Variants in ANO2 observed in about 807,000 individuals in gnomAD.
ANO2 encodes anoctamin-2.
In ANO2, 101 loss-of-function variants were observed where a neutral mutation model predicts 124.2. The observed-to-expected ratio is 0.81, with a 90% CI of 0.69 to 0.96. The LOEUF is 0.96. ANO2 is among the 40% of genes least tolerant of loss of function. The probability of loss-of-function intolerance (pLI) is 0.00; values close to 1 mark genes in which losing one functional copy is unlikely to be tolerated. For synonymous variants in ANO2, 486 were observed against 482.5 expected (o/e 1.01, Z -0.09); for missense variants, 1,293 against 1,274.5 (o/e 1.01, Z -0.22).
At chr12:5,577,475 C>G (rs1273967631) in intron 22 of ANO2, among the ~76,000 whole-genome samples, 2 of 152,210 alleles carry the variant, frequency 1.3e-5, no homozygotes, top group East Asian at 3.8e-4. Flanking sequence ...CAGGTGGGAC[C>G]CTTCTTCTAT....
chr12:5,830,527 A>C, intron 5 of ANO2, 38 bp from the exon 6 acceptor site: 3 of 1,588,804 alleles, frequency 1.9e-6, no homozygotes, highest in African/African-American at 1.3e-5. Context: ...AATTCATTTC[A>C]TTACCCTTGC....
intron 14 of ANO2, among the ~76,000 whole-genome samples, chr12:5,715,612 C>T (rs528853485): frequency 6.6e-6 from 1 of 152,346 alleles, no homozygotes; most frequent in East Asian, 1.9e-4. Context: ...GGAAAGGCAA[C>T]TGTCAATGGG....
intron 9 of ANO2, among the ~76,000 whole-genome samples, chr12:5,802,727 A>C (rs1953079699): frequency 6.6e-6 from 1 of 152,204 alleles, no homozygotes; most frequent in African/African-American, 2.4e-5. Flanking sequence ...GCTCTTAGTG[A>C]ATCCACTTTC....
At chr12:5,647,226 C>A (rs1946684257) in intron 15 of ANO2, among the ~76,000 whole-genome samples, 1 of 152,204 alleles carries the variant, frequency 6.6e-6, no homozygotes, top group African/African-American at 2.4e-5. Context: ...ATACGAATCA[C>A]AGGGTTTTCC....
intron 14 of ANO2, among the ~76,000 whole-genome samples, chr12:5,711,157 C>CAAA (rs200477878): frequency 3.2e-5 from 3 of 92,816 alleles, no homozygotes; most frequent in African/African-American, 4.4e-5. Flanking sequence ...GACTCTGTCT[C>CAAA]AAAAAAAAAA....
chr12:5,928,293 C>G (rs911403489), intron 1 of ANO2, among the ~76,000 whole-genome samples: 3 of 152,196 alleles, frequency 2.0e-5, no homozygotes, highest in Non-Finnish European at 2.9e-5. Flanking sequence ...CACCTCCATC[C>G]CCAACCTCCC....
chr12:5,574,528 T>G (rs913745267), intron 23 of ANO2, among the ~76,000 whole-genome samples: 1 of 151,792 alleles, frequency 6.6e-6, no homozygotes, highest in Admixed American at 6.5e-5. Flanking sequence ...CACATCCCAG[T>G]CCTCTGACTT....
intron 1 of ANO2, among the ~76,000 whole-genome samples, chr12:5,934,304 T>G (rs567226213): frequency 2.0e-5 from 3 of 152,208 alleles, no homozygotes; most frequent in Admixed American, 6.5e-5. Context: ...AAAAGGAAGA[T>G]AAATGGCCAA....
chr12:5,568,840 C>G (rs926640994), intron 23 of ANO2, among the ~76,000 whole-genome samples: 5 of 152,186 alleles, frequency 3.3e-5, no homozygotes, highest in African/African-American at 9.6e-5. Flanking sequence ...TGCAAGTTAC[C>G]TAACCTTCTG....
chr12:5,601,886 G>C (rs1943958526), intron 19 of ANO2, among the ~76,000 whole-genome samples: 1 of 152,226 alleles, frequency 6.6e-6, no homozygotes, highest in Non-Finnish European at 1.5e-5. Flanking sequence ...GGTATCAACT[G>C]TTCACAGTGG....
intron 10 of ANO2, among the ~76,000 whole-genome samples, chr12:5,757,909 A>AT (rs1281254301): frequency 6.6e-6 from 1 of 152,198 alleles, no homozygotes; most frequent in Non-Finnish European, 1.5e-5. Context: ...AGAGTGTAAT[A>AT]ACTGGAAGCT....
At chr12:5,642,838 C>T (rs1247456697) in intron 15 of ANO2, among the ~76,000 whole-genome samples, 1 of 152,142 alleles carries the variant, frequency 6.6e-6, no homozygotes, top group Non-Finnish European at 1.5e-5. Context: ...TGGCTCTTTC[C>T]TGCTGTCCCT....
At chr12:5,731,590 C>CCT (rs77047097) in intron 14 of ANO2, among the ~76,000 whole-genome samples, 10 of 150,082 alleles carry the variant, frequency 6.7e-5, no homozygotes, top group South Asian at 2.1e-4. Context: ...CATAAACTCT[C>CCT]CTCTCTCTCT....
intron 13 of ANO2, among the ~76,000 whole-genome samples, chr12:5,738,900 CAGACATCAA>C (rs911618220): frequency 7.2e-5 from 11 of 152,214 alleles, no homozygotes; most frequent in African/African-American, 2.4e-4. Flanking sequence ...TCTTCATTCA[CAGACATCAA>C]AGACAACCAG....
Position 5,922,657 on chromosome 12 carries a change from C to G in ANO2, c.170G>C (p.Gly57Ala), listed in dbSNP as rs527242069. Residue 57 changes from glycine to alanine, a missense_variant, in exon 2 of 25, where the codon GGC becomes GCC. Coordinates refer to ENST00000682330, the MANE Select transcript of ANO2 (RefSeq NM_001364791.2). ...GGTGCTCTCTCCACCGCAGGGCTGG[C>G]CAGGATCTCTGTTGGAACCGCCCTG... ...GLQGGSNRDPGQPCGGESTRS... is the reference protein window; with the variant it reads ...GLQGGSNRDPAQPCGGESTRS... The G allele has an allele frequency of 1.3e-4, 202 of 1,499,846 alleles. No homozygotes were observed. In the Middle Eastern group the frequency reaches 2.0e-3, roughly 15 times the overall value. The allele number at this position is 1,499,846 out of a possible 1,614,324, so 92.9% of individuals were successfully genotyped here.
intron 13 of ANO2, 197 bp from the exon 14 acceptor site, chr12:5,732,827 AG>A: frequency 6.2e-7 from 1 of 1,613,332 alleles, no homozygotes; most frequent in Non-Finnish European, 8.5e-7. Flanking sequence ...GGAAGAGACA[AG>A]GGACACACAA....
chr12:5,858,132 T>G (rs1160624432), intron 3 of ANO2, among the ~76,000 whole-genome samples: 1 of 152,200 alleles, frequency 6.6e-6, no homozygotes, highest in East Asian at 1.9e-4. Context: ...TGAATAGGAT[T>G]AATATAATTT....
intron 10 of ANO2, among the ~76,000 whole-genome samples, chr12:5,781,737 C>T (rs1018388536): frequency 4.6e-5 from 7 of 152,194 alleles, no homozygotes; most frequent in African/African-American, 1.2e-4. Flanking sequence ...TGCATAAATG[C>T]AAGGCAGCAG....
chr12:5,573,660 C>A (rs1162271437), intron 23 of ANO2, among the ~76,000 whole-genome samples: 1 of 152,194 alleles, frequency 6.6e-6, no homozygotes, highest in African/African-American at 2.4e-5. Flanking sequence ...AATCTGCCTG[C>A]AATGTGATTT....
Sources: gnomAD v4.1 joint callset for allele counts (sites outside exome capture counted in the v4.1 genomes callset) on GRCh38, gnomAD v4.1.1 for gene constraint, MANE v1.5 for transcripts, NCBI Gene and HGNC (gene_info 2026-07-23, HGNC 2026-07-21) for gene names.